The following NXPH1 variants were observed in gnomAD, a reference collection of about 807,000 sequenced individuals.
NXPH1 encodes neurexophilin-1.
NXPH1 carries 5 observed loss-of-function variants against 23.7 expected under a neutral mutation model. The observed-to-expected ratio is 0.21, with a 90% CI of 0.11 to 0.44. The LOEUF (loss-of-function observed/expected upper bound fraction) is 0.44, where lower values mean the gene tolerates loss of function less well. Ranked by LOEUF, NXPH1 falls within the 20% of genes least tolerant of loss-of-function variation. The pLI is 0.99. For synonymous variants in NXPH1, 144 were observed against 122.2 expected, an observed-to-expected ratio of 1.18 and a Z score of -1.18; for missense variants, 324 against 321.6, an observed-to-expected ratio of 1.01 and a Z score of -0.06.
At chr7:8,641,900 G>C (rs1376453498) in intron 2 of NXPH1, among the ~76,000 whole-genome samples, 5 of 152,082 alleles carry the variant, frequency 3.3e-5, no homozygotes, top group Non-Finnish European at 7.4e-5. Flanking sequence ...TTCACTCAAT[G>C]AATGTGTGAA....
intron 2 of NXPH1, among the ~76,000 whole-genome samples, chr7:8,508,005 T>C (rs768237329): frequency 1.3e-5 from 2 of 152,130 alleles, no homozygotes; most frequent in Non-Finnish European, 2.9e-5. Flanking sequence ...TTATGCTTTG[T>C]CAAGCTAATT....
At chr7:8,700,553 T>A (rs1779609394) in intron 2 of NXPH1, among the ~76,000 whole-genome samples, 1 of 152,164 alleles carries the variant, frequency 6.6e-6, no homozygotes, top group Non-Finnish European at 1.5e-5. Flanking sequence ...ATAAAAACCT[T>A]AGATGTTGCT....
intron 2 of NXPH1, among the ~76,000 whole-genome samples, chr7:8,667,634 T>A (rs1366926528): frequency 6.6e-6 from 1 of 152,154 alleles, no homozygotes; most frequent in African/African-American, 2.4e-5. Flanking sequence ...GCCTTTGATT[T>A]TTGGCAGATT....
chr7:8,515,186 G>A (rs1256937165), intron 2 of NXPH1, among the ~76,000 whole-genome samples: 1 of 152,076 alleles, frequency 6.6e-6, no homozygotes, highest in African/African-American at 2.4e-5. Flanking sequence ...TGTTTCCCAT[G>A]GGGGATGATT....
At chr7:8,609,214 T>C (rs1352971184) in intron 2 of NXPH1, among the ~76,000 whole-genome samples, 1 of 152,132 alleles carries the variant, frequency 6.6e-6, no homozygotes, top group Non-Finnish European at 1.5e-5. Context: ...CTAGGTAAGT[T>C]AGGAAAAGCT....
At chr7:8,460,213 C>T (rs1006412797) in intron 2 of NXPH1, among the ~76,000 whole-genome samples, 32 of 152,034 alleles carry the variant, frequency 2.1e-4, no homozygotes, top group African/African-American at 7.7e-4. Flanking sequence ...CTTGCTTAAG[C>T]AGCACATAAA....
At chr7:8,699,460 C>A (rs1327375950) in intron 2 of NXPH1, among the ~76,000 whole-genome samples, 1 of 152,068 alleles carries the variant, frequency 6.6e-6, no homozygotes, top group Non-Finnish European at 1.5e-5. Flanking sequence ...TATTATTATT[C>A]TGCAGAAGAA....
At chr7:8,563,318 T>G (rs1818480548) in intron 2 of NXPH1, among the ~76,000 whole-genome samples, 1 of 151,760 alleles carries the variant, frequency 6.6e-6, no homozygotes, top group African/African-American at 2.4e-5. Context: ...AAAATCAGCC[T>G]AATTTTCTGT....
At chr7:8,623,238 A>G (rs1819913365) in intron 2 of NXPH1, among the ~76,000 whole-genome samples, 1 of 152,116 alleles carries the variant, frequency 6.6e-6, no homozygotes, top group South Asian at 2.1e-4. Context: ...ACTCTGGGAG[A>G]CGAATTAAAA....
At chr7:8,564,098 T>A (rs1818498254) in intron 2 of NXPH1, among the ~76,000 whole-genome samples, 1 of 151,702 alleles carries the variant, frequency 6.6e-6, no homozygotes, top group African/African-American at 2.4e-5. Context: ...AGCACAAAAA[T>A]TATAGATTTA....
At chr7:8,468,963 A>G (rs1257282060) in intron 2 of NXPH1, among the ~76,000 whole-genome samples, 1 of 152,024 alleles carries the variant, frequency 6.6e-6, no homozygotes, top group Non-Finnish European at 1.5e-5. Context: ...TTTTGAGACC[A>G]TTTCTTTTCC....
chr7:8,714,541 G>A (rs1219654456), intron 2 of NXPH1, among the ~76,000 whole-genome samples: 1 of 151,730 alleles, frequency 6.6e-6, no homozygotes, highest in Non-Finnish European at 1.5e-5. Context: ...ATGTTAATGT[G>A]CTGGGTCACA....
intron 2 of NXPH1, among the ~76,000 whole-genome samples, chr7:8,472,638 C>G (rs1816887997): frequency 1.3e-5 from 2 of 152,058 alleles, no homozygotes; most frequent in Admixed American, 1.3e-4. Context: ...GATAGGATAC[C>G]ACAATCTGAG....
chr7:8,633,478 CG>C (rs1562436832), intron 2 of NXPH1, among the ~76,000 whole-genome samples: 1 of 152,152 alleles, frequency 6.6e-6, no homozygotes, highest in African/African-American at 2.4e-5. Flanking sequence ...TAGAATTATG[CG>C]GATGTGAAAG....
intron 2 of NXPH1, among the ~76,000 whole-genome samples, chr7:8,557,603 T>G (rs1818380763): frequency 6.6e-6 from 1 of 151,718 alleles, no homozygotes; most frequent in African/African-American, 2.4e-5. Context: ...GTGTGTAATG[T>G]ACCCAGCAGT....
intron 2 of NXPH1, among the ~76,000 whole-genome samples, chr7:8,693,285 A>G (rs186815751): frequency 2.0e-4 from 31 of 152,352 alleles, no homozygotes; most frequent in Non-Finnish European, 4.0e-4. Flanking sequence ...CTGAGTTTGA[A>G]TCCACATTCC....
chr7:8,596,086 T>G (rs1389153938), intron 2 of NXPH1, among the ~76,000 whole-genome samples: 1 of 152,100 alleles, frequency 6.6e-6, no homozygotes. Flanking sequence ...AGGCATTATA[T>G]ATTTTTTTCC....
chr7:8,612,112 TTTGAG>T, intron 2 of NXPH1, among the ~76,000 whole-genome samples: 1 of 152,092 alleles, frequency 6.6e-6, no homozygotes, highest in East Asian at 1.9e-4. Context: ...ATGTTCAGTG[TTTGAG>T]TTCTTTTTCT....
At chr7:8,741,304 C>G (rs182039348) in intron 2 of NXPH1, among the ~76,000 whole-genome samples, 23 of 151,972 alleles carry the variant, frequency 1.5e-4, no homozygotes, top group African/African-American at 5.6e-4. Flanking sequence ...CCATTCATCC[C>G]TTGATGGACA....
Sources: allele counts gnomAD v4.1 joint callset (sites outside exome capture counted in the v4.1 genomes callset), GRCh38; gene constraint gnomAD v4.1.1; transcripts MANE v1.5; gene names NCBI Gene and HGNC (gene_info 2026-07-23, HGNC 2026-07-21).